Variants in PPP1R9A observed in about 807,000 individuals in gnomAD.
PPP1R9A encodes neurabin-1.
PPP1R9A carries 59 observed loss-of-function variants against 141.9 expected under a neutral mutation model. The observed-to-expected ratio is 0.42, with a 90% CI of 0.34 to 0.52. The LOEUF (loss-of-function observed/expected upper bound fraction) is 0.52, where lower values mean the gene tolerates loss of function less well. Ranked by LOEUF, PPP1R9A falls within the 20% of genes least tolerant of loss-of-function variation. The probability of loss-of-function intolerance (pLI) is 0.10; values close to 1 mark genes in which losing one functional copy is unlikely to be tolerated. For synonymous variants in PPP1R9A, 500 were observed against 569.7 expected, an observed-to-expected ratio of 0.88 and a Z score of 1.74; for missense variants, 1,444 against 1,611.9, an observed-to-expected ratio of 0.90 and a Z score of 1.78.
chr7:95,184,346 T>C (rs1015059248), intron 5 of PPP1R9A, among the ~76,000 whole-genome samples: 5 of 152,228 alleles, frequency 3.3e-5, no homozygotes, highest in South Asian at 2.1e-4. Flanking sequence ...TTTAGAGATA[T>C]ATGTTTCAGG....
chr7:94,948,070 C>T (rs914174407), intron 2 of PPP1R9A, among the ~76,000 whole-genome samples: 3 of 152,094 alleles, frequency 2.0e-5, no homozygotes, highest in Non-Finnish European at 4.4e-5. Context: ...TCGTGTTCTC[C>T]TTTTCCCATG....
At chr7:94,936,915 A>T (rs1247622428) in intron 2 of PPP1R9A, among the ~76,000 whole-genome samples, 1 of 152,104 alleles carries the variant, frequency 6.6e-6, no homozygotes, top group Non-Finnish European at 1.5e-5. Flanking sequence ...TATTCTGAAT[A>T]AATTTATACA....
intron 7 of PPP1R9A, among the ~76,000 whole-genome samples, chr7:95,214,665 T>G (rs905194588): frequency 1.3e-5 from 2 of 152,174 alleles, no homozygotes; most frequent in African/African-American, 4.8e-5. Flanking sequence ...GGGGTCATTT[T>G]GGAGTCTGCC....
At chr7:95,066,244 A>G (rs971169389) in intron 2 of PPP1R9A, among the ~76,000 whole-genome samples, 3 of 152,228 alleles carry the variant, frequency 2.0e-5, no homozygotes, top group African/African-American at 7.2e-5. Flanking sequence ...CCGCAAGCCT[A>G]GGAGAGAGGC....
chr7:95,064,347 A>G (rs1299169490), intron 2 of PPP1R9A, among the ~76,000 whole-genome samples: 2 of 152,212 alleles, frequency 1.3e-5, no homozygotes, highest in Admixed American at 1.3e-4. Context: ...TTTGATACGA[A>G]TATTTTCTCT....
chr7:95,109,190 C>T (rs1389895717), intron 2 of PPP1R9A, among the ~76,000 whole-genome samples: 10 of 152,146 alleles, frequency 6.6e-5, no homozygotes, highest in Non-Finnish European at 1.2e-4. Flanking sequence ...TATTCCTTCT[C>T]TTCTGCAGTC....
At chr7:94,926,580 T>G (rs1793514581) in intron 2 of PPP1R9A, among the ~76,000 whole-genome samples, 1 of 152,212 alleles carries the variant, frequency 6.6e-6, no homozygotes, top group Non-Finnish European at 1.5e-5. Context: ...ATCAAAAATT[T>G]AATTAACTAA....
chr7:95,283,997 C>T, intron 16 of PPP1R9A, 21 bp from the exon 17 acceptor site: 1 of 1,553,400 alleles, frequency 6.4e-7, no homozygotes, highest in South Asian at 1.1e-5. Context: ...ATCTAACACA[C>T]CCATTCTTTT....
chr7:95,127,867 G>T (rs903857942), intron 4 of PPP1R9A, among the ~76,000 whole-genome samples: 2 of 152,142 alleles, frequency 1.3e-5, no homozygotes, highest in South Asian at 4.1e-4. Context: ...TTTTATAGGT[G>T]TATAGTATTC....
At chr7:94,919,300 CATT>C (rs1792477833) in intron 2 of PPP1R9A, among the ~76,000 whole-genome samples, 4 of 120,172 alleles carry the variant, frequency 3.3e-5, no homozygotes, top group African/African-American at 3.5e-5. Context: ...TGGATAATTA[CATT>C]TTTTTTTTTT....
chr7:95,163,097 T>C (rs898253966), intron 5 of PPP1R9A, among the ~76,000 whole-genome samples: 1 of 152,236 alleles, frequency 6.6e-6, no homozygotes, highest in Non-Finnish European at 1.5e-5. Flanking sequence ...TGTATAGAAC[T>C]TGGTTTTGAA....
At chr7:95,271,667 G>A (rs1321640784) in intron 14 of PPP1R9A, among the ~76,000 whole-genome samples, 1 of 152,132 alleles carries the variant, frequency 6.6e-6, no homozygotes, top group African/African-American at 2.4e-5. Context: ...TCCAGTACAA[G>A]ACCTTAGGAT....
At chr7:95,221,367 C>T (rs551829364) in intron 7 of PPP1R9A, among the ~76,000 whole-genome samples, 2 of 152,166 alleles carry the variant, frequency 1.3e-5, no homozygotes, top group Non-Finnish European at 2.9e-5. Flanking sequence ...CACAGTTCTA[C>T]GTGACTTCAA....
chr7:95,058,997 C>G (rs528927923), intron 2 of PPP1R9A, among the ~76,000 whole-genome samples: 4 of 152,122 alleles, frequency 2.6e-5, no homozygotes, highest in African/African-American at 7.2e-5. Flanking sequence ...ACCATGGTGG[C>G]CAGGCTGGTC....
intron 8 of PPP1R9A, among the ~76,000 whole-genome samples, chr7:95,228,603 G>T (rs1795472710): frequency 6.6e-6 from 1 of 152,134 alleles, no homozygotes; most frequent in South Asian, 2.1e-4. Context: ...CAATATTGAT[G>T]AGCTAAGTCG....
intron 4 of PPP1R9A, among the ~76,000 whole-genome samples, chr7:95,148,500 A>G (rs927791391): frequency 6.6e-6 from 1 of 152,104 alleles, no homozygotes; most frequent in African/African-American, 2.4e-5. Context: ...AAAACTTTAC[A>G]AGAATCGGCA....
At chr7:95,149,555 T>C (rs1828268027) in intron 4 of PPP1R9A, among the ~76,000 whole-genome samples, 1 of 151,988 alleles carries the variant, frequency 6.6e-6, no homozygotes, top group Non-Finnish European at 1.5e-5. Context: ...TATACAAAAG[T>C]CATTCATTTT....
At chr7:94,991,734 C>T (rs1801541138) in intron 2 of PPP1R9A, among the ~76,000 whole-genome samples, 1 of 152,144 alleles carries the variant, frequency 6.6e-6, no homozygotes, top group Non-Finnish European at 1.5e-5. Flanking sequence ...TCACCGCAGC[C>T]TTGACTTTCT....
intron 2 of PPP1R9A, among the ~76,000 whole-genome samples, chr7:95,005,501 A>G (rs1276925287): frequency 6.6e-6 from 1 of 152,228 alleles, no homozygotes; most frequent in Non-Finnish European, 1.5e-5. Context: ...AAACCTATTC[A>G]GAATCGCACA....
Sources: gnomAD v4.1 joint callset for allele counts (sites outside exome capture counted in the v4.1 genomes callset) on GRCh38, gnomAD v4.1.1 for gene constraint, MANE v1.5 for transcripts, NCBI Gene and HGNC (gene_info 2026-07-23, HGNC 2026-07-21) for gene names.